Variants in ABCC12 observed in about 807,000 individuals in gnomAD.
ABCC12 encodes the protein ATP binding cassette subfamily C member 12.
ABCC12 carries 142 observed loss-of-function variants against 151.1 expected under a neutral mutation model. That is an observed-to-expected ratio of 0.94 (90% CI 0.82 to 1.08). The LOEUF is 1.08. ABCC12 is among the 50% of genes least tolerant of loss of function. The pLI is 0.00. For synonymous variants in ABCC12, 645 were observed against 646.4 expected, an observed-to-expected ratio of 1.00 and a Z score of 0.03; for missense variants, 1,638 against 1,691.1, an observed-to-expected ratio of 0.97 and a Z score of 0.55.
At chr16:48,155,175 G>A (rs1380351523) in intron 1 of ABCC12, among the ~76,000 whole-genome samples, 1 of 152,142 alleles carries the variant, frequency 6.6e-6, no homozygotes, top group East Asian at 1.9e-4. Context: ...CAAGCTGGGG[G>A]TGTGGGAAGG....
intron 2 of ABCC12, among the ~76,000 whole-genome samples, chr16:48,151,486 TA>T (rs1296673216): frequency 1.3e-5 from 2 of 152,148 alleles, no homozygotes; most frequent in Non-Finnish European, 2.9e-5. Flanking sequence ...GGAAATCTAG[TA>T]AAGTATAAAT....
intron 8 of ABCC12, among the ~76,000 whole-genome samples, chr16:48,134,819 G>A (rs996727589): frequency 3.9e-4 from 60 of 152,112 alleles, no homozygotes; most frequent in Admixed American, 7.9e-4. Flanking sequence ...TTGGGAGGCC[G>A]AGGCAGGTGG....
At chr16:48,150,665 G>A (rs746980710) in intron 2 of ABCC12, among the ~76,000 whole-genome samples, 3 of 152,068 alleles carry the variant, frequency 2.0e-5, no homozygotes, top group East Asian at 1.9e-4. Flanking sequence ...TTGGAGAATC[G>A]TATTAGAACT....
intron 15 of ABCC12, among the ~76,000 whole-genome samples, chr16:48,112,781 C>A (rs1460675354): frequency 6.6e-6 from 1 of 152,086 alleles, no homozygotes; most frequent in Admixed American, 6.5e-5. Context: ...ACGGTGTGGT[C>A]TCCAGGCAAG....
chr16:48,098,090 GACACACACAC>G (rs66949388), intron 23 of ABCC12, among the ~76,000 whole-genome samples: 2,934 of 121,958 alleles, frequency 0.024, 58 homozygotes, highest in Non-Finnish European at 0.031. Flanking sequence ...TGCCCCACCT[GACACACACAC>G]ACACACACAC....
chr16:48,081,688 G>A lies in ABCC12; in HGVS notation c.*2027C>T, dbSNP rs188158088. On this transcript the variant is annotated 3_prime_UTR_variant, in exon 31 of 31. Transcript: ENST00000311303. ...ACTGCAAGGTCTCAGTAGACATCAG[G>A]ATCAATGTCGGTGTTCTTCTTCTGC... Among the ~76,000 whole-genome samples the A allele has an allele frequency of 3.3e-5, 5 of 152,300 alleles. No individual in the cohort carries two copies. The highest frequency in any genetic ancestry group is 1.3e-4 in the Admixed American group (2 of 15,310).
intron 8 of ABCC12, among the ~76,000 whole-genome samples, chr16:48,136,886 G>GTGA (rs1964629705): frequency 6.6e-6 from 1 of 152,216 alleles, no homozygotes; most frequent in African/African-American, 2.4e-5. Context: ...ACAGTAAAGT[G>GTGA]TGATGATGAT....
At chr16:48,120,856 T>C (rs1964044692) in intron 13 of ABCC12, among the ~76,000 whole-genome samples, 1 of 152,230 alleles carries the variant, frequency 6.6e-6, no homozygotes, top group Non-Finnish European at 1.5e-5. Flanking sequence ...GCCCAGCTAA[T>C]GGGTTATTAA....
chr16:48,102,702 T>A (rs1194638355), intron 22 of ABCC12, among the ~76,000 whole-genome samples: 1 of 152,196 alleles, frequency 6.6e-6, no homozygotes, highest in African/African-American at 2.4e-5. Flanking sequence ...TTTGCCACTG[T>A]CCACGGACAC....
chr16:48,140,938 G>C lies in ABCC12; in HGVS notation c.424-18C>G, dbSNP rs368701463. 32 of 1,606,056 alleles carry C rather than the reference G, an allele frequency of 2.0e-5. No homozygotes were observed. The African/African-American group carries it at 4.3e-4, about 21-fold the overall frequency. ...AGAACTGTCTGTAAAACAGCATGGT[G>C]GGGAGAAGAGAGGGCCACTGAGGGC... is the stretch of plus-strand genomic sequence containing the variant. On this transcript the variant is annotated intron_variant, in intron 5 of 30. Coordinates refer to ENST00000311303, the MANE Select transcript of ABCC12 (RefSeq NM_001393797.1).
intron 13 of ABCC12, among the ~76,000 whole-genome samples, chr16:48,120,999 T>C (rs1430640306): frequency 1.3e-5 from 2 of 152,220 alleles, no homozygotes; most frequent in African/African-American, 4.8e-5. Context: ...TTGAAATATA[T>C]AATACATTAA....
chr16:48,106,919 G>C (rs188683071), intron 20 of ABCC12, among the ~76,000 whole-genome samples: 1 of 152,192 alleles, frequency 6.6e-6, no homozygotes, highest in African/African-American at 2.4e-5. Flanking sequence ...GCAGAGACAC[G>C]TGGGACCTTC....
chr16:48,138,282 T>A lies in ABCC12; in HGVS notation c.925A>T (p.Ile309Phe). 1 of 1,613,966 alleles carries A rather than the reference T, an allele frequency of 6.2e-7. No individual in the cohort carries two copies. The highest frequency in any genetic ancestry group is 1.1e-5 in the South Asian group (1 of 91,064). The change falls in exon 8 of 31, where the codon ATC becomes TTC. Residue 309 changes from isoleucine to phenylalanine, a missense_variant. By Grantham distance (21) the Ile-to-Phe change is conservative. Coordinates refer to ENST00000311303, the MANE Select transcript of ABCC12 (RefSeq NM_001393797.1). ...VQTMNEFLTC[I>F]RLIKMYAWEK... ...CAGGCATACATTTTGATCAGCCTGA[T>A]GCAGGTCAGAAACTCATTCATTGTC...
In ABCC12 at chr16:48,115,638, T is replaced by A; in HGVS notation, c.1786-20A>T. The A allele has an allele frequency of 6.2e-7, 1 of 1,603,522 alleles. No individual in the cohort carries two copies. Among genetic ancestry groups the A allele is most frequent in the Non-Finnish European group, 8.5e-7 (1 of 1,173,666 alleles). On this transcript the variant is annotated intron_variant, in intron 14 of 30. Transcript: ENST00000311303. ...CCCAATCTGTGGACAGGGACAATGC[T>A]ACTGCCCATTGTCAGCCCACCCTGA...
At chr16:48,142,568 C>G (rs1457192742) in intron 4 of ABCC12, among the ~76,000 whole-genome samples, 1 of 152,330 alleles carries the variant, frequency 6.6e-6, no homozygotes. Flanking sequence ...GAATGTACCA[C>G]TAGCTGAGAT....
chr16:48,124,071 A>T lies in ABCC12; in HGVS notation c.1587+142T>A, dbSNP rs1597316768. ...GGGGCCTGGAGCTGCTGCGTGCATT[A>T]ACCTCCCAAAAATTATTGTGAACCA... On this transcript the variant is annotated intron_variant, in intron 12 of 30. Coordinates refer to ENST00000311303, the MANE Select transcript of ABCC12 (RefSeq NM_001393797.1). 69 of 917,850 alleles carry T rather than the reference A, an allele frequency of 7.5e-5. No homozygotes were observed. The East Asian group carries it at 1.6e-3, about 22-fold the overall frequency. 56.9% of individuals were successfully genotyped at this position (917,850 alleles called of 1,614,324 possible).
chr16:48,145,575 G>C (rs1226949064), intron 3 of ABCC12, among the ~76,000 whole-genome samples: 1 of 152,174 alleles, frequency 6.6e-6, no homozygotes, highest in African/African-American at 2.4e-5. Context: ...TTGGCCAATA[G>C]AATACAGTGA....
chr16:48,128,221 T>G (rs1964303478), intron 11 of ABCC12, among the ~76,000 whole-genome samples: 1 of 152,244 alleles, frequency 6.6e-6, no homozygotes, highest in Non-Finnish European at 1.5e-5. Context: ...CAACTGACTC[T>G]AAGAGAAGTA....
intron 22 of ABCC12, among the ~76,000 whole-genome samples, chr16:48,101,899 A>G (rs971003871): frequency 6.6e-6 from 1 of 152,200 alleles, no homozygotes; most frequent in Non-Finnish European, 1.5e-5. Context: ...ACTTGCTTTT[A>G]TCCTGTAAAT....
Sources: allele counts gnomAD v4.1 joint callset (sites outside exome capture counted in the v4.1 genomes callset), GRCh38; gene constraint gnomAD v4.1.1; transcripts MANE v1.5; gene names NCBI Gene and HGNC (gene_info 2026-07-23, HGNC 2026-07-21).